Variants in TMEM178B observed in about 807,000 individuals in gnomAD.
TMEM178B encodes transmembrane protein 178B.
In TMEM178B, 5 loss-of-function variants were observed where a neutral mutation model predicts 31.0. The observed-to-expected ratio is 0.16, with a 90% CI of 0.08 to 0.34. The LOEUF (loss-of-function observed/expected upper bound fraction) is 0.34, where lower values mean the gene tolerates loss of function less well. TMEM178B is among the 10% of genes least tolerant of loss of function. The pLI, the probability that TMEM178B is intolerant of heterozygous loss-of-function variation, is 1.00. For missense variants in TMEM178B, 275 were observed against 400.3 expected (o/e 0.69, Z 2.67); for synonymous variants, 164 against 164.0 (o/e 1.00, Z 0.00).
intron 1 of TMEM178B, among the ~76,000 whole-genome samples, chr7:141,081,674 A>G (rs1794688909): frequency 6.6e-6 from 1 of 152,128 alleles, no homozygotes; most frequent in African/African-American, 2.4e-5. Flanking sequence ...AATATTTCAT[A>G]CAGTTGTAAA....
chr7:141,442,237 A>C (rs1033297165), intron 3 of TMEM178B, among the ~76,000 whole-genome samples: 3 of 151,942 alleles, frequency 2.0e-5, no homozygotes, highest in Non-Finnish European at 4.4e-5. Flanking sequence ...ACACCCTCCC[A>C]CACTCCCTGG....
At chr7:141,370,691 G>A (rs147486421) in intron 2 of TMEM178B, among the ~76,000 whole-genome samples, 1 of 152,314 alleles carries the variant, frequency 6.6e-6, no homozygotes, top group Non-Finnish European at 1.5e-5. Context: ...TGTGACATTT[G>A]CCAATATTTA....
At chr7:141,210,303 A>C (rs542723456) in intron 1 of TMEM178B, among the ~76,000 whole-genome samples, 41 of 152,280 alleles carry the variant, frequency 2.7e-4, no homozygotes, top group Admixed American at 9.8e-4. Context: ...CATCTCTACC[A>C]AAAATACAAA....
chr7:141,501,788 T>C, the TMEM178B span, among the ~76,000 whole-genome samples: 1 of 152,328 alleles, frequency 6.6e-6, no homozygotes, highest in Admixed American at 6.5e-5. Flanking sequence ...CTGCAGGTTT[T>C]TGGACTTGCC....
intron 1 of TMEM178B, among the ~76,000 whole-genome samples, chr7:141,185,235 A>G (rs773091009): frequency 2.6e-5 from 4 of 152,174 alleles, no homozygotes; most frequent in South Asian, 2.1e-4. Flanking sequence ...TGTTAGCTCA[A>G]TTAGCCTCCT....
chr7:141,304,155 A>G (rs893773419), intron 2 of TMEM178B, among the ~76,000 whole-genome samples: 2 of 152,216 alleles, frequency 1.3e-5, no homozygotes, highest in Non-Finnish European at 2.9e-5. Context: ...AGACAGCTAC[A>G]GTATGTGGTT....
chr7:141,189,401 A>C (rs1796662456), intron 1 of TMEM178B, among the ~76,000 whole-genome samples: 2 of 152,362 alleles, frequency 1.3e-5, no homozygotes, highest in Admixed American at 1.3e-4. Flanking sequence ...GTGGGCGGGC[A>C]GATAGCAGAT....
chr7:141,438,495 A>T (rs1801592264), intron 3 of TMEM178B, among the ~76,000 whole-genome samples: 1 of 151,758 alleles, frequency 6.6e-6, no homozygotes, highest in South Asian at 2.1e-4. Flanking sequence ...GGGTATGTCC[A>T]TCACCATCTA....
Position 141,479,681 on chromosome 7 carries a change from A to T in TMEM178B, c.*8895A>T, listed in dbSNP as rs553328910. The T allele has an allele frequency of 1.3e-5, 2 of 152,232 alleles. No individual in the cohort carries two copies. Among genetic ancestry groups the T allele is most frequent in the African/African-American group, 4.8e-5 (2 of 41,456 alleles). The allele number at this position is 152,232 out of a possible 1,614,324, so 9.4% of individuals were successfully genotyped here. Reference sequence around the variant, plus strand: ...GCAAAAATGAGCTGATTTGGTGAGTATGTTTTATATATGGTCATTAGACAG... The same window carrying T: ...GCAAAAATGAGCTGATTTGGTGAGTTTGTTTTATATATGGTCATTAGACAG... On this transcript the variant is annotated 3_prime_UTR_variant, in exon 4 of 4. Coordinates refer to ENST00000565468, the MANE Select transcript of TMEM178B (RefSeq NM_001195278.2).
chr7:141,323,353 CAT>C (rs1248243013), intron 2 of TMEM178B, among the ~76,000 whole-genome samples: 3 of 152,184 alleles, frequency 2.0e-5, no homozygotes, highest in African/African-American at 4.8e-5. Flanking sequence ...TTATAATAAA[CAT>C]ATGAGATACA....
intron 1 of TMEM178B, among the ~76,000 whole-genome samples, chr7:141,150,097 G>A (rs1795942619): frequency 5.3e-5 from 8 of 152,124 alleles, no homozygotes; most frequent in Admixed American, 4.6e-4. Flanking sequence ...AAAGACTATG[G>A]ATGGAGCAGA....
At chr7:141,092,400 A>C (rs1456445872) in intron 1 of TMEM178B, among the ~76,000 whole-genome samples, 1 of 152,174 alleles carries the variant, frequency 6.6e-6, no homozygotes, top group Non-Finnish European at 1.5e-5. Flanking sequence ...GGCTGGGGAC[A>C]CTTACAGTCT....
intron 2 of TMEM178B, among the ~76,000 whole-genome samples, chr7:141,282,270 G>A (rs1798377897): frequency 1.3e-5 from 2 of 152,234 alleles, no homozygotes; most frequent in Non-Finnish European, 2.9e-5. Flanking sequence ...GGGTTTGCAA[G>A]TTACGGGTTT....
At chr7:141,082,810 C>A (rs1290540462) in intron 1 of TMEM178B, among the ~76,000 whole-genome samples, 2 of 152,190 alleles carry the variant, frequency 1.3e-5, no homozygotes, top group African/African-American at 4.8e-5. Flanking sequence ...CAGGTGCTTC[C>A]TCAGGAGGTC....
At chr7:141,437,504 C>T in intron 2 of TMEM178B, 104 bp from the exon 3 acceptor site, 1 of 1,449,926 alleles carries the variant, frequency 6.9e-7, no homozygotes, top group Non-Finnish European at 9.2e-7. Flanking sequence ...CCTTCCTGCT[C>T]CTGGAGGGCC....
At chr7:141,483,882 C>G (rs1802517729), downstream of TMEM178B, among the ~76,000 whole-genome samples, 1 of 152,032 alleles carries the variant, frequency 6.6e-6, no homozygotes, top group Non-Finnish European at 1.5e-5. Context: ...ATTCCAGGTG[C>G]CCACCATCAC....
intron 2 of TMEM178B, among the ~76,000 whole-genome samples, chr7:141,304,672 C>T (rs890766820): frequency 6.6e-6 from 1 of 152,190 alleles, no homozygotes; most frequent in Non-Finnish European, 1.5e-5. Context: ...GGAGTTGCTG[C>T]ATCATCTTGA....
chr7:141,131,179 C>G (rs1795589096), intron 1 of TMEM178B, among the ~76,000 whole-genome samples: 1 of 152,160 alleles, frequency 6.6e-6, no homozygotes, highest in Non-Finnish European at 1.5e-5. Flanking sequence ...ACCAGTCCAC[C>G]CAACCTGATA....
chr7:141,084,228 C>A (rs1438416512), intron 1 of TMEM178B, among the ~76,000 whole-genome samples: 1 of 152,128 alleles, frequency 6.6e-6, no homozygotes, highest in Non-Finnish European at 1.5e-5. Context: ...CATTTTTGAG[C>A]CTTAGATTTT....
Sources: allele counts gnomAD v4.1 joint callset (sites outside exome capture counted in the v4.1 genomes callset), GRCh38; gene constraint gnomAD v4.1.1; transcripts MANE v1.5; gene names NCBI Gene and HGNC (gene_info 2026-07-23, HGNC 2026-07-21).